Variants in LRRC37A2 observed in about 807,000 individuals in gnomAD.
The protein encoded by LRRC37A2 is leucine-rich repeat-containing protein 37A2.
In LRRC37A2, 9 loss-of-function variants were observed where a neutral mutation model predicts 68.8. That is an observed-to-expected ratio of 0.13 (90% confidence interval 0.08 to 0.23). The LOEUF (loss-of-function observed/expected upper bound fraction) is 0.23. Ranked by LOEUF, LRRC37A2 falls within the 10% of genes least tolerant of loss-of-function variation. The pLI is 1.00. For synonymous variants in LRRC37A2, 63 were observed against 367.6 expected, an observed-to-expected ratio of 0.17 and a Z score of 9.48; for missense variants, 168 against 950.4, an observed-to-expected ratio of 0.18 and a Z score of 10.82.
At chr17:46,993,427 C>T in the LRRC37A2 span, among the ~76,000 whole-genome samples, 2 of 152,270 alleles carry the variant, frequency 1.3e-5, no homozygotes, top group African/African-American at 2.4e-5. Context: ...TGCATAGTGT[C>T]TGGCACATAG....
the LRRC37A2 span, among the ~76,000 whole-genome samples, chr17:46,898,899 A>G: frequency 6.6e-6 from 1 of 152,204 alleles, no homozygotes; most frequent in Non-Finnish European, 1.5e-5. Context: ...TGACCCAGCA[A>G]TTGCATTCCT....
chr17:46,725,248 C>G, the LRRC37A2 span, among the ~76,000 whole-genome samples: 1 of 152,164 alleles, frequency 6.6e-6, no homozygotes, highest in African/African-American at 2.4e-5. Context: ...TTACTGAATT[C>G]TGTTCTGTGC....
At chr17:46,783,228 A>G in the LRRC37A2 span, among the ~76,000 whole-genome samples, 2 of 152,114 alleles carry the variant, frequency 1.3e-5, no homozygotes, top group Admixed American at 1.3e-4. Context: ...TAAAACCATG[A>G]AGGAGCAGCT....
the LRRC37A2 span, among the ~76,000 whole-genome samples, chr17:46,946,177 T>C: frequency 2.0e-5 from 3 of 151,390 alleles, no homozygotes; most frequent in African/African-American, 7.3e-5. Flanking sequence ...GTCTCATGCC[T>C]GTAATCCCAG....
the LRRC37A2 span, chr17:46,710,842 T>G: frequency 1.2e-6 from 1 of 840,662 alleles, no homozygotes; most frequent in Non-Finnish European, 1.7e-6. Flanking sequence ...TTTCCAGGCT[T>G]TTTATATTAA....
the LRRC37A2 span, chr17:46,872,900 T>C: frequency 2.6e-6 from 3 of 1,162,400 alleles, no homozygotes; most frequent in African/African-American, 4.7e-5. Context: ...CTTCCTGCCC[T>C]AGCACGGTCC....
chr17:46,815,542 C>T, the LRRC37A2 span, among the ~76,000 whole-genome samples: 1 of 151,992 alleles, frequency 6.6e-6, no homozygotes, highest in Non-Finnish European at 1.5e-5. Flanking sequence ...ATCTGACTGC[C>T]AGGCGGGGGG....
chr17:46,805,726 G>T, the LRRC37A2 span, among the ~76,000 whole-genome samples: 1 of 152,182 alleles, frequency 6.6e-6, no homozygotes, highest in African/African-American at 2.4e-5. Flanking sequence ...ACTCCAGCCT[G>T]GGCAACAGAG....
chr17:46,873,117 C>T, the LRRC37A2 span, among the ~76,000 whole-genome samples: 1 of 151,758 alleles, frequency 6.6e-6, no homozygotes, highest in Non-Finnish European at 1.5e-5. Flanking sequence ...CACACACACA[C>T]ACACACACAC....
At chr17:46,755,498 G>A in the LRRC37A2 span, 2 of 844,080 alleles carry the variant, frequency 2.4e-6, no homozygotes, top group South Asian at 3.1e-5. Flanking sequence ...CTGTGTTGTA[G>A]GTCCGAGAGA....
the LRRC37A2 span, among the ~76,000 whole-genome samples, chr17:46,829,898 G>C: frequency 1.3e-5 from 2 of 152,138 alleles, 1 homozygote; most frequent in South Asian, 4.2e-4. Flanking sequence ...AGATCTCTCT[G>C]TGGCCGTTTC....
the LRRC37A2 span, chr17:46,769,653 C>T: frequency 3.8e-6 from 5 of 1,299,782 alleles, no homozygotes; most frequent in Non-Finnish European, 5.3e-6. Context: ...GGAGGCCAAG[C>T]CTGGCCAAGG....
chr17:46,990,785 C>T, the LRRC37A2 span, among the ~76,000 whole-genome samples: 1 of 152,124 alleles, frequency 6.6e-6, no homozygotes, highest in Admixed American at 6.5e-5. Flanking sequence ...ATTCTCATGC[C>T]TCAGCCTCCC....
the LRRC37A2 span, among the ~76,000 whole-genome samples, chr17:46,904,421 C>T: frequency 5.1e-5 from 5 of 98,778 alleles, no homozygotes; most frequent in Admixed American, 1.0e-4. Context: ...TTGGTGGGTG[C>T]GTGGGTGGCT....
chr17:46,819,239 C>G, the LRRC37A2 span, among the ~76,000 whole-genome samples: 5 of 152,166 alleles, frequency 3.3e-5, no homozygotes, highest in Non-Finnish European at 7.3e-5. This position sits in a 1 kb window ranked among gnomAD's most constrained non-coding sequence, Gnocchi z 5.3. Context: ...TCTGGCCTCT[C>G]GTCCTGGCCG....
chr17:46,707,148 GC>G, the LRRC37A2 span, among the ~76,000 whole-genome samples: 1 of 152,188 alleles, frequency 6.6e-6, no homozygotes, highest in Non-Finnish European at 1.5e-5. Flanking sequence ...ACTGCACCCA[GC>G]CTCAGATTTA....
chr17:46,900,793 G>T, the LRRC37A2 span, among the ~76,000 whole-genome samples: 6 of 152,176 alleles, frequency 3.9e-5, no homozygotes, highest in African/African-American at 1.4e-4. Flanking sequence ...TCCCAGAAAG[G>T]TGGTTTGGCC....
the LRRC37A2 span, among the ~76,000 whole-genome samples, chr17:46,807,459 G>C: frequency 2.0e-5 from 3 of 152,150 alleles, no homozygotes; most frequent in Admixed American, 1.3e-4. Context: ...TCCAGCCTGG[G>C]CAACAAGAGC....
At chr17:46,900,168 CATATATATAT>C in the LRRC37A2 span, among the ~76,000 whole-genome samples, 157 of 64,052 alleles carry the variant, frequency 2.5e-3, 4 homozygotes, top group African/African-American at 7.9e-3. Flanking sequence ...TATACATATA[CATATATATAT>C]ATATATATAT....
Sources: gnomAD v4.1 joint callset for allele counts (sites outside exome capture counted in the v4.1 genomes callset) on GRCh38, gnomAD v4.1.1 for gene constraint, Gnocchi (gnomAD v3.1) non-coding constraint, MANE v1.5 for transcripts, NCBI Gene and HGNC (gene_info 2026-07-23, HGNC 2026-07-21) for gene names.